The following KATNAL1 variants were observed in gnomAD, a reference collection of about 807,000 sequenced individuals.
KATNAL1 encodes katanin catalytic subunit A1 like 1.
KATNAL1 carries 32 observed loss-of-function variants against 55.2 expected under a neutral mutation model. The ratio of observed to expected loss-of-function variants is 0.58; its 90% confidence interval spans 0.44 to 0.78. KATNAL1 has a LOEUF of 0.78. KATNAL1 is among the 30% of genes least tolerant of loss of function. The probability of loss-of-function intolerance (pLI) is 0.00; values close to 1 mark genes in which losing one functional copy is unlikely to be tolerated. For synonymous variants in KATNAL1, 193 were observed against 193.6 expected (o/e 1.00, Z 0.02); for missense variants, 466 against 600.9 (o/e 0.78, Z 2.35).
chr13:30,229,357 C>G (rs1274398989), intron 8 of KATNAL1, among the ~76,000 whole-genome samples: 1 of 152,106 alleles, frequency 6.6e-6, no homozygotes, highest in Non-Finnish European at 1.5e-5. Flanking sequence ...CTCATCTGAT[C>G]AGTTGCCTGC....
Position 30,207,575 on chromosome 13 carries a change from T to C in KATNAL1, c.*965A>G, listed in dbSNP as rs1489085603. The C allele has an allele frequency of 1.3e-5, 2 of 152,182 alleles. No individual in the cohort carries two copies. Among genetic ancestry groups the C allele is most frequent in the Non-Finnish European group, 2.9e-5 (2 of 68,022 alleles). 9.4% of individuals were successfully genotyped at this position (152,182 alleles called of 1,614,324 possible). A position where few individuals can be genotyped will look rare whatever the true frequency, so the allele number is the denominator to read the frequency against. ...ACAATGCTGGAGCTGAGAAAAATAA[T>C]GGCTATATATCTGGTTGAACATGTT... On this transcript the variant is annotated 3_prime_UTR_variant, in exon 11 of 11. Coordinates refer to ENST00000380615, the MANE Select transcript of KATNAL1 (RefSeq NM_032116.5).
chr13:30,287,306 G>T (rs950481334), intron 1 of KATNAL1, among the ~76,000 whole-genome samples: 2 of 152,180 alleles, frequency 1.3e-5, no homozygotes, highest in Non-Finnish European at 2.9e-5. Flanking sequence ...GGATCATGGG[G>T]GTGGTTCCCC....
At chr13:30,270,625 C>T (rs1340040834) in intron 3 of KATNAL1, among the ~76,000 whole-genome samples, 19 of 151,826 alleles carry the variant, frequency 1.3e-4, no homozygotes, top group Non-Finnish European at 2.2e-4. Context: ...CAACCCTGTG[C>T]TCTCTGAAAC....
At chr13:30,245,965 T>TCCTGC (rs1877753484) in intron 4 of KATNAL1, among the ~76,000 whole-genome samples, 1 of 152,154 alleles carries the variant, frequency 6.6e-6, no homozygotes, top group Non-Finnish European at 1.5e-5. Context: ...AAAATGGCCA[T>TCCTGC]ACTGCCCAAC....
intron 3 of KATNAL1, among the ~76,000 whole-genome samples, chr13:30,257,451 C>T (rs768018818): frequency 1.3e-5 from 2 of 152,238 alleles, no homozygotes; most frequent in African/African-American, 4.8e-5. Flanking sequence ...TCACCAACAG[C>T]AATCCCATCC....
chr13:30,248,011 G>A (rs1215190094), intron 4 of KATNAL1, among the ~76,000 whole-genome samples: 5 of 152,112 alleles, frequency 3.3e-5, no homozygotes, highest in Non-Finnish European at 7.4e-5. Context: ...TTAAATAAGA[G>A]CTCATGCACT....
chr13:30,270,312 C>G (rs1244907993), intron 3 of KATNAL1, among the ~76,000 whole-genome samples: 2 of 151,066 alleles, frequency 1.3e-5, no homozygotes, highest in Non-Finnish European at 3.0e-5. Context: ...GGGTCAGCCC[C>G]CCGCCCGGCC....
At chr13:30,271,995 G>C (rs1480499889) in intron 3 of KATNAL1, among the ~76,000 whole-genome samples, 1 of 151,478 alleles carries the variant, frequency 6.6e-6, no homozygotes, top group East Asian at 1.9e-4. Context: ...GTTAAACAAT[G>C]TAAGTCCAGA....
At chr13:30,259,487 G>A (rs2137472560) in intron 3 of KATNAL1, among the ~76,000 whole-genome samples, 1 of 152,316 alleles carries the variant, frequency 6.6e-6, no homozygotes, top group African/African-American at 2.4e-5. Context: ...GGGAGTGCCA[G>A]ACAGTGGGCG....
intron 6 of KATNAL1, among the ~76,000 whole-genome samples, chr13:30,236,440 G>A (rs747994880): frequency 1.3e-5 from 2 of 152,080 alleles, no homozygotes; most frequent in African/African-American, 4.8e-5. Flanking sequence ...TCTCTCTCCC[G>A]CATCCCTGTA....
intron 4 of KATNAL1, among the ~76,000 whole-genome samples, chr13:30,244,213 G>A (rs1231597840): frequency 6.6e-6 from 1 of 151,996 alleles, no homozygotes; most frequent in Non-Finnish European, 1.5e-5. Context: ...AGTTTGCTGA[G>A]AATGATGGTT....
At chr13:30,296,038 TAA>T (rs34043407) in intron 1 of KATNAL1, 2,259 of 157,888 alleles carry the variant, frequency 0.014, no homozygotes, top group Middle Eastern at 0.035. Flanking sequence ...ATGCCAATTC[TAA>T]AAAAAAAAAA....
chr13:30,286,795 A>G (rs1043428544), intron 1 of KATNAL1, among the ~76,000 whole-genome samples: 1 of 152,192 alleles, frequency 6.6e-6, no homozygotes, highest in African/African-American at 2.4e-5. Flanking sequence ...GAAGGTGGGG[A>G]TGTACCCTGC....
chr13:30,283,054 G>A (rs1413425817), intron 2 of KATNAL1, among the ~76,000 whole-genome samples: 11 of 151,388 alleles, frequency 7.3e-5, no homozygotes, highest in Non-Finnish European at 1.2e-4. Flanking sequence ...TGGATCACTA[G>A]GTCAGGAATT....
At chr13:30,271,288 T>C (rs1880335068) in intron 3 of KATNAL1, among the ~76,000 whole-genome samples, 1 of 152,186 alleles carries the variant, frequency 6.6e-6, no homozygotes, top group Non-Finnish European at 1.5e-5. Context: ...AGCCATGTGG[T>C]AGGGCTAGGA....
intron 4 of KATNAL1, among the ~76,000 whole-genome samples, chr13:30,245,190 A>T (rs1019526500): frequency 2.6e-5 from 4 of 152,218 alleles, no homozygotes; most frequent in African/African-American, 7.2e-5. Flanking sequence ...GCAGCACATC[A>T]AAAAGCTTAT....
In KATNAL1 at chr13:30,232,364, T is replaced by C. The variant is rs572566466; in HGVS notation, c.727-892A>G. On this transcript the variant is annotated intron_variant, in intron 6 of 10. Transcript: ENST00000380615. ...CTGGGGATTTAGGCTTTGAAAACTATGTGTATGTCAAAGTTTCATAAACTC... is the reference window on the plus strand; with the variant it reads ...CTGGGGATTTAGGCTTTGAAAACTACGTGTATGTCAAAGTTTCATAAACTC... Among the ~76,000 whole-genome samples, 59 of 152,322 alleles carry C rather than the reference T, an allele frequency of 3.9e-4. No individual in the cohort carries two copies. The South Asian group carries it at 0.012, about 30-fold the overall frequency.
At chr13:30,287,134 G>A (rs558118761) in intron 1 of KATNAL1, among the ~76,000 whole-genome samples, 6 of 152,320 alleles carry the variant, frequency 3.9e-5, no homozygotes, top group African/African-American at 1.4e-4. Flanking sequence ...AATGGGTTAA[G>A]ACTTTGGGGG....
intron 9 of KATNAL1, among the ~76,000 whole-genome samples, chr13:30,213,413 A>T (rs1873887005): frequency 1.3e-5 from 2 of 152,132 alleles, no homozygotes; most frequent in South Asian, 4.1e-4. Context: ...ATCCTCCCTA[A>T]CTCATTTTAT....
Sources: gnomAD v4.1 joint callset for allele counts (sites outside exome capture counted in the v4.1 genomes callset) on GRCh38, gnomAD v4.1.1 for gene constraint, MANE v1.5 for transcripts, NCBI Gene and HGNC (gene_info 2026-07-23, HGNC 2026-07-21) for gene names.